SH3YL1: variants seen among roughly 807,000 people sequenced by gnomAD.
SH3YL1 encodes the protein SH3 and SYLF domain containing 1, also known as SH3 domain-containing YSC84-like protein 1.
A neutral mutation model predicts 45.8 loss-of-function variants in SH3YL1; 41 were observed. The observed-to-expected ratio is 0.89, with a 90% CI of 0.70 to 1.16. The LOEUF (loss-of-function observed/expected upper bound fraction) is 1.16, where lower values mean the gene tolerates loss of function less well. SH3YL1 is among the 50% of genes most tolerant of loss of function. The probability of loss-of-function intolerance (pLI) is 0.00; values close to 1 mark genes in which losing one functional copy is unlikely to be tolerated. For missense variants in SH3YL1, 389 were observed against 409.6 expected, an observed-to-expected ratio of 0.95 and a Z score of 0.43; for synonymous variants, 152 against 151.4, an observed-to-expected ratio of 1.00 and a Z score of -0.03.
chr2:239,912 A>C (rs1668469189), intron 4 of SH3YL1: 2 of 152,210 alleles, frequency 1.3e-5, no homozygotes, highest in Admixed American at 1.3e-4. Flanking sequence ...TTGAGCTATA[A>C]CCTGTGCCCC....
chr2:256,537 C>CA (rs1669340308), intron 1 of SH3YL1: 1 of 151,928 alleles, frequency 6.6e-6, no homozygotes, highest in African/African-American at 2.4e-5. Flanking sequence ...ACTAAAAATA[C>CA]AAAAAATTAG....
intron 4 of SH3YL1, among the ~76,000 whole-genome samples, chr2:236,799 A>C (rs774842721): frequency 4.6e-5 from 7 of 152,204 alleles, no homozygotes; most frequent in Non-Finnish European, 1.0e-4. Flanking sequence ...GTTATAACCA[A>C]ATGAGATTAT....
At chr2:263,578 A>C in intron 1 of SH3YL1, 2 of 180,114 alleles carry the variant, frequency 1.1e-5, no homozygotes, top group Non-Finnish European at 2.3e-5. Flanking sequence ...CCGGCGCCCT[A>C]GCCAAGGCCT....
Position 253,000 on chromosome 2 carries a change from C to T in SH3YL1, c.112+5G>A, listed in dbSNP as rs1037918121. 2 of 1,490,308 alleles carry T rather than the reference C, an allele frequency of 1.3e-6. No individual in the cohort carries two copies. The highest frequency in any genetic ancestry group is 1.8e-6 in the Non-Finnish European group (2 of 1,093,672). The allele number at this position is 1,490,308 out of a possible 1,614,324, so 92.3% of individuals were successfully genotyped here. On this transcript the variant is annotated splice_donor_5th_base_variant and intron_variant, in intron 2 of 9. Transcript: ENST00000356150. ...AGACAAACAGCACTCATCCTATTTACCTACCAGGAATGATCTTATCAGGTC... is the reference window on the plus strand; with the variant it reads ...AGACAAACAGCACTCATCCTATTTATCTACCAGGAATGATCTTATCAGGTC...
chr2:249,877 A>C (rs1362442108), intron 2 of SH3YL1, 33 bp from the exon 3 acceptor site: 1 of 1,405,018 alleles, frequency 7.1e-7, no homozygotes, highest in East Asian at 2.5e-5. Flanking sequence ...GAAGGTAAGC[A>C]TTTTGATCTA....
chr2:264,303 C>T (rs1180697172), upstream of SH3YL1: 5 of 339,880 alleles, frequency 1.5e-5, no homozygotes, highest in African/African-American at 2.1e-5. Flanking sequence ...CCGCCCTGGT[C>T]CGGCGTGGAC....
intron 3 of SH3YL1, among the ~76,000 whole-genome samples, chr2:249,104 A>G (rs1041152703): frequency 6.6e-5 from 10 of 152,258 alleles, no homozygotes; most frequent in Non-Finnish European, 1.5e-4. Flanking sequence ...TTGGTATAAA[A>G]AACATTTTAG....
At chr2:250,130 GC>G (rs1669015249) in intron 2 of SH3YL1, among the ~76,000 whole-genome samples, 1 of 152,116 alleles carries the variant, frequency 6.6e-6, no homozygotes, top group African/African-American at 2.4e-5. Flanking sequence ...AGATTTTATT[GC>G]TATCTATTAG....
intron 8 of SH3YL1, among the ~76,000 whole-genome samples, chr2:229,557 G>A (rs1028232598): frequency 5.9e-5 from 9 of 151,398 alleles, no homozygotes; most frequent in African/African-American, 1.7e-4. Context: ...GTGAAACCCC[G>A]TCTCTACTAA....
chr2:246,021 C>T (rs1229454646), intron 4 of SH3YL1, among the ~76,000 whole-genome samples: 4 of 151,964 alleles, frequency 2.6e-5, no homozygotes, highest in Non-Finnish European at 5.9e-5. Context: ...CATGGTGAAA[C>T]CCCATCTCTA....
At chr2:224,182 C>A (rs1254127631) in intron 9 of SH3YL1, among the ~76,000 whole-genome samples, 1 of 152,156 alleles carries the variant, frequency 6.6e-6, no homozygotes, top group East Asian at 1.9e-4. Context: ...ACTTTGCCCT[C>A]AATTTGTGTA....
rs1356088857 is a variant in SH3YL1 at position 224,886 on chromosome 2, A to G, written c.816T>C (p.Leu272=). 1.2e-6 allele frequency: 2 copies of G among 1,610,818 alleles called. No homozygotes were observed. The highest frequency in any genetic ancestry group is 2.7e-5 in the African/African-American group (2 of 74,882). The change falls in exon 9 of 10, where the codon CTT becomes CTC. Residue 272 remains leucine, a synonymous_variant. Transcript: ENST00000356150. The stretch of plus-strand genomic sequence containing the variant: ...TACCAACTCTCTCATGATAGCTGGA[A>G]AGTCCAGGATAGAGCTTATATTCAT... ...NRNEYKLYPG[L]SSYHERVGNL...
chr2:234,162 T>TC lies in SH3YL1; in HGVS notation c.401dup (p.Arg135LysfsTer37), dbSNP rs1668179844. 6.2e-7 allele frequency: 1 copy of TC among 1,610,392 alleles called. No homozygotes were observed. The highest frequency in any genetic ancestry group is 1.7e-5 in the Admixed American group (1 of 59,212). On this transcript the variant is annotated frameshift_variant, in exon 5 of 10. Transcript: ENST00000356150. LOFTEE classifies it high-confidence loss of function. The stretch of plus-strand genomic sequence containing the variant: ...TAACATCTATTTAAAGAACTCACCT[T>TC]CCCAAGGGCCCAACCGCCACAGTCA...
At chr2:253,319 G>C (rs1045740298) in intron 1 of SH3YL1, among the ~76,000 whole-genome samples, 1 of 152,178 alleles carries the variant, frequency 6.6e-6, no homozygotes, top group African/African-American at 2.4e-5. Context: ...CACAGGATGA[G>C]ACAGGAGGTC....
chr2:221,363 G>C (rs571277485), intron 9 of SH3YL1, among the ~76,000 whole-genome samples: 1 of 152,210 alleles, frequency 6.6e-6, no homozygotes, highest in Admixed American at 6.5e-5. Context: ...CCTGATAACT[G>C]AATTGGTTCT....
At chr2:232,339 TACTG>T (rs1210935302) in intron 6 of SH3YL1, among the ~76,000 whole-genome samples, 4 of 151,784 alleles carry the variant, frequency 2.6e-5, no homozygotes, top group South Asian at 2.1e-4. Context: ...CAACAAGGAA[TACTG>T]ACTGACACAT....
chr2:261,165 T>C (rs1490503511), intron 1 of SH3YL1: 1 of 152,254 alleles, frequency 6.6e-6, no homozygotes, highest in Non-Finnish European at 1.5e-5. Context: ...AATAAAAATT[T>C]AGACATAAGC....
chr2:237,957 T>C (rs1443221806), intron 4 of SH3YL1, among the ~76,000 whole-genome samples: 1 of 152,202 alleles, frequency 6.6e-6, no homozygotes, highest in Non-Finnish European at 1.5e-5. Context: ...CCCTCTTCTC[T>C]GCGACTGAAT....
In SH3YL1 at chr2:249,749, C is replaced by A; in HGVS notation, c.208G>T (p.Ala70Ser). 6.4e-7 allele frequency: 1 copy of A among 1,551,684 alleles called. No homozygotes were observed. The highest frequency in any genetic ancestry group is 8.7e-7 in the Non-Finnish European group (1 of 1,146,910). The change falls in exon 3 of 10, where the codon GCG becomes TCG. Residue 70 changes from alanine to serine, a missense_variant. By Grantham distance (99) the Ala-to-Ser change is moderately conservative (BLOSUM62 1). Coordinates refer to ENST00000356150, the MANE Select transcript of SH3YL1 (RefSeq NM_015677.4). ...AACTTACTTCCATCTGGAAGGCGCG[C>A]CACTACAATCCCGCTGCCTCCTCTG... Reference protein sequence around the residue: ...TARGGSGIVVARLPDGKWSAP... With the variant: ...TARGGSGIVVSRLPDGKWSAP...
Sources: gnomAD v4.1 joint callset for allele counts (sites outside exome capture counted in the v4.1 genomes callset) on GRCh38, gnomAD v4.1.1 for gene constraint, MANE v1.5 for transcripts, NCBI Gene and HGNC (gene_info 2026-07-23, HGNC 2026-07-21) for gene names.